The following SVOP variants were observed in gnomAD, a reference collection of about 807,000 sequenced individuals.
SVOP encodes the protein synaptic vesicle 2-related protein.
In SVOP, 17 loss-of-function variants were observed where a neutral mutation model predicts 69.1. That is an observed-to-expected ratio of 0.25 (90% CI 0.17 to 0.37). SVOP has a LOEUF of 0.37. SVOP is among the 10% of genes least tolerant of loss of function. SVOP has a pLI of 1.00. For missense variants in SVOP, 435 were observed against 597.5 expected (o/e 0.73, Z 2.84); for synonymous variants, 238 against 238.6 (o/e 1.00, Z 0.02).
intron 9 of SVOP, among the ~76,000 whole-genome samples, chr12:108,937,890 C>T (rs887528128): frequency 6.6e-6 from 1 of 152,202 alleles, no homozygotes; most frequent in African/African-American, 2.4e-5. Context: ...TGTGGTGGTT[C>T]GTGCCTGTAA....
At chr12:108,994,681 G>A (rs1172516919) in intron 1 of SVOP, among the ~76,000 whole-genome samples, 2 of 152,174 alleles carry the variant, frequency 1.3e-5, no homozygotes, top group Non-Finnish European at 2.9e-5. Context: ...GCTAAGCCAC[G>A]CTTTGGCAAA....
intron 1 of SVOP, among the ~76,000 whole-genome samples, chr12:109,014,723 GTCTT>G (rs747387671): frequency 7.2e-5 from 11 of 151,804 alleles, no homozygotes; most frequent in Non-Finnish European, 1.0e-4. Context: ...GATTTTTTTG[GTCTT>G]TCTTTCTTTT....
chr12:109,004,608 A>G (rs915785971), intron 1 of SVOP, among the ~76,000 whole-genome samples: 3 of 151,762 alleles, frequency 2.0e-5, no homozygotes, highest in Admixed American at 2.0e-4. Flanking sequence ...AGGTCTTGCT[A>G]TGTTGCCCAG....
intron 6 of SVOP, among the ~76,000 whole-genome samples, chr12:108,949,075 C>T (rs1475418107): frequency 3.3e-5 from 5 of 152,180 alleles, no homozygotes; most frequent in Middle Eastern, 3.4e-3. Context: ...AAACCTATAA[C>T]GTATATCATG....
chr12:108,966,739 C>T (rs1044171090), intron 5 of SVOP, among the ~76,000 whole-genome samples: 1 of 151,962 alleles, frequency 6.6e-6, no homozygotes, highest in Non-Finnish European at 1.5e-5. Flanking sequence ...GAAGAACTGG[C>T]GGGACACCAT....
In SVOP at chr12:108,927,012, C is replaced by T. The variant is rs1284579843; in HGVS notation, c.1049-4215G>A. Among the ~76,000 whole-genome samples, 3 of 152,318 alleles carry T rather than the reference C, an allele frequency of 2.0e-5. 1 individual carries two copies. The highest frequency in any genetic ancestry group is 4.1e-4 in the South Asian group (2 of 4,826). ...TATGGCTTTCGAAGATAAAATGTCT[C>T]TCTCCAGAGCAAAGGACAGGCATGC... On this transcript the variant is annotated intron_variant, in intron 11 of 15. Coordinates refer to ENST00000610966, the MANE Select transcript of SVOP (RefSeq NM_018711.5).
intron 5 of SVOP, among the ~76,000 whole-genome samples, chr12:108,971,701 AG>A (rs1398463153): frequency 6.6e-6 from 1 of 152,130 alleles, no homozygotes; most frequent in African/African-American, 2.4e-5. Context: ...AAGGTAATTC[AG>A]GGTGTCTTCA....
In SVOP at chr12:108,945,162, T is replaced by C. The variant is rs1381923802; in HGVS notation, c.583A>G (p.Thr195Ala). ...FGIGGVPQSV[T>A]LYAEFLPMKA... is the part of the protein sequence containing the mutation. ...ATGGGAAGGAACTCGGCATACAGCG[T>C]CACCCTGGGAATGTAAAAGGGAAAG... Residue 195 changes from threonine (T) to alanine (A), a missense_variant, in exon 7 of 16, where the codon ACG becomes GCG. By Grantham distance (58) the Thr-to-Ala change is moderately conservative. Transcript: ENST00000610966. 1 of 1,536,952 alleles carries C rather than the reference T, an allele frequency of 6.5e-7. No homozygotes were observed. The highest frequency in any genetic ancestry group is 8.7e-7 in the Non-Finnish European group (1 of 1,146,848).
rs1326197949 is a variant in SVOP, at chr12:108,941,026, G to A, written c.643-117C>T. The A allele has an allele frequency of 2.2e-6, 3 of 1,371,802 alleles. No individual in the cohort carries two copies. The African/African-American group carries it at 4.3e-5, about 20-fold the overall frequency. The allele number at this position is 1,371,802 out of a possible 1,614,324, so 85.0% of individuals were successfully genotyped here. ...GGTAAGGGGTCATCGGAGTCAGTAAGGTTAGAATAGCCACACTTTCCCTGT... is the reference window on the plus strand; with the variant it reads ...GGTAAGGGGTCATCGGAGTCAGTAAAGTTAGAATAGCCACACTTTCCCTGT... On this transcript the variant is annotated intron_variant, in intron 7 of 15. Transcript: ENST00000610966.
At chr12:108,937,506 C>A (rs910342047) in intron 9 of SVOP, among the ~76,000 whole-genome samples, 169 bp from the exon 10 acceptor site, 1 of 152,110 alleles carries the variant, frequency 6.6e-6, no homozygotes, top group African/African-American at 2.4e-5. Flanking sequence ...AGCCTCCCAG[C>A]CCCTCCAGCC....
intron 12 of SVOP, 119 bp downstream of exon 12, chr12:108,922,571 G>A: frequency 2.8e-6 from 2 of 713,934 alleles, no homozygotes; most frequent in East Asian, 2.7e-5. Context: ...GAAAAACAAA[G>A]TCCCTCGCTG....
At position 108,988,965 on chromosome 12, in the gene SVOP, G is replaced by A. The variant is rs144553207; in HGVS notation, c.36-5204C>T. Among the ~76,000 whole-genome samples, 56 of 151,408 alleles carry A rather than the reference G, an allele frequency of 3.7e-4. No individual in the cohort carries two copies. The East Asian group carries it at 9.5e-3, about 26-fold the overall frequency. ...TTTTTGTATTTTTAGTAAAGACGGGGTTTCACCATATTGGCCAGGCTGATC... is the reference window on the plus strand; with the variant it reads ...TTTTTGTATTTTTAGTAAAGACGGGATTTCACCATATTGGCCAGGCTGATC... On this transcript the variant is annotated intron_variant, in intron 1 of 15. Transcript: ENST00000610966.
intron 1 of SVOP, among the ~76,000 whole-genome samples, chr12:108,987,397 A>T (rs1197650351): frequency 2.0e-5 from 3 of 152,236 alleles, no homozygotes; most frequent in African/African-American, 7.2e-5. Context: ...TAATGCTGTA[A>T]TGAACATGAG....
intron 15 of SVOP, among the ~76,000 whole-genome samples, chr12:108,913,502 G>T (rs1451751458): frequency 6.6e-6 from 1 of 152,172 alleles, no homozygotes; most frequent in East Asian, 1.9e-4. Context: ...AGTTCATACA[G>T]ATAATAAGGA....
At chr12:109,008,137 C>G (rs1368176925) in intron 1 of SVOP, among the ~76,000 whole-genome samples, 1 of 152,070 alleles carries the variant, frequency 6.6e-6, no homozygotes, top group Non-Finnish European at 1.5e-5. Flanking sequence ...GTACTAGGAC[C>G]CTGGCTCAAG....
chr12:108,915,739 G>T, intron 15 of SVOP, 44 bp downstream of exon 15: 1 of 1,555,452 alleles, frequency 6.4e-7, no homozygotes. Flanking sequence ...CATGCATGGG[G>T]TTTTGTCACC....
intron 11 of SVOP, among the ~76,000 whole-genome samples, chr12:108,925,924 T>TC (rs1359689998): frequency 6.8e-6 from 1 of 147,804 alleles, no homozygotes; most frequent in African/African-American, 2.5e-5. Flanking sequence ...TTCCTGACCT[T>TC]TTTTTTTTTT....
chr12:108,985,010 T>A (rs1456633902), intron 1 of SVOP, among the ~76,000 whole-genome samples: 1 of 152,102 alleles, frequency 6.6e-6, no homozygotes, highest in African/African-American at 2.4e-5. Flanking sequence ...GAGGATTGCT[T>A]GGGCAAAGGA....
chr12:108,954,851 T>C (rs953485618), intron 6 of SVOP, among the ~76,000 whole-genome samples: 3 of 152,108 alleles, frequency 2.0e-5, no homozygotes, highest in African/African-American at 7.2e-5. Flanking sequence ...GCAATACAGT[T>C]AGACCCCGAT....
Sources: gnomAD v4.1 joint callset for allele counts (sites outside exome capture counted in the v4.1 genomes callset) on GRCh38, gnomAD v4.1.1 for gene constraint, MANE v1.5 for transcripts, NCBI Gene and HGNC (gene_info 2026-07-23, HGNC 2026-07-21) for gene names.